RRP12: variants seen among roughly 807,000 people sequenced by gnomAD.
The protein encoded by RRP12 is ribosomal RNA processing 12 homolog, also known as RRP12-like protein.
RRP12 carries 78 observed loss-of-function variants against 157.3 expected under a neutral mutation model. The ratio of observed to expected loss-of-function variants is 0.50; its 90% confidence interval spans 0.41 to 0.60. RRP12 has a LOEUF of 0.60. RRP12 is among the 20% of genes least tolerant of loss of function. The pLI, the probability that RRP12 is intolerant of heterozygous loss-of-function variation, is 0.00. For synonymous variants in RRP12, 726 were observed against 670.9 expected (o/e 1.08, Z -1.27); for missense variants, 1,521 against 1,679.9 (o/e 0.91, Z 1.65).
chr10:97,381,890 T>A, intron 10 of RRP12, 64 bp from the exon 11 acceptor site: 1 of 1,221,826 alleles, frequency 8.2e-7, no homozygotes. Context: ...CAACCAGGGC[T>A]CAGGGCTGAG....
intron 29 of RRP12, 108 bp from the exon 30 acceptor site, chr10:97,364,011 C>A: frequency 2.1e-6 from 2 of 954,240 alleles, no homozygotes; most frequent in South Asian, 1.3e-5. Context: ...CCAACTCCGG[C>A]CCCAGAAAAT....
chr10:97,400,301 C>G lies in RRP12; in HGVS notation c.369+4G>C. ...CCTATGGCCCTCCCGACCCTCGCCC[C>G]TACCTCCTTGTGGGCAGCCGAGTTG... is the stretch of plus-strand genomic sequence containing the variant. On this transcript the variant is annotated splice_donor_region_variant and intron_variant, in intron 2 of 33. Transcript: ENST00000370992. The G allele has an allele frequency of 6.2e-7, 1 of 1,612,820 alleles. No individual in the cohort carries two copies. The highest frequency in any genetic ancestry group is 8.5e-7 in the Non-Finnish European group (1 of 1,178,832).
At chr10:97,395,823 C>T (rs1844946098) in intron 3 of RRP12, among the ~76,000 whole-genome samples, 1 of 150,254 alleles carries the variant, frequency 6.7e-6, no homozygotes, top group South Asian at 2.1e-4. Context: ...TGCACTCCAG[C>T]CTGGGCGACA....
rs1844134287 is a variant in RRP12 at position 97,370,982 on chromosome 10, C to T, written c.2443G>A (p.Glu815Lys). ...PGALFVQSHL[E>K]DLKKTLLDSL... Reference sequence around the variant, plus strand: ...TCCAGCAGTGTCTTCTTCAGGTCCTCCAGGTGGCTCTGCACGAAGAGGGCC... The same window carrying T: ...TCCAGCAGTGTCTTCTTCAGGTCCTTCAGGTGGCTCTGCACGAAGAGGGCC... Residue 815 changes from glutamate to lysine, a missense_variant, in exon 21 of 34, where the codon GAG becomes AAG. Glu to Lys is a moderately conservative substitution (Grantham distance 56). Transcript: ENST00000370992. 2 of 1,613,890 alleles carry T rather than the reference C, an allele frequency of 1.2e-6. No homozygotes were observed. The highest frequency in any genetic ancestry group is 1.7e-6 in the Non-Finnish European group (2 of 1,179,988).
At chr10:97,369,640 C>A (rs1330369760) in intron 24 of RRP12, 58 bp from the exon 25 acceptor site, 14 of 1,510,498 alleles carry the variant, frequency 9.3e-6, no homozygotes, top group Non-Finnish European at 9.0e-7. Context: ...AGACCCAAAC[C>A]TTCCCCACTG....
chr10:97,393,235 A>G, intron 4 of RRP12: 2 of 453,226 alleles, frequency 4.4e-6, no homozygotes, highest in Non-Finnish European at 8.8e-6. Context: ...CACTTTCACA[A>G]TGATTTTCTG....
Position 97,400,515 on chromosome 10 carries a change from G to C in RRP12, c.159C>G (p.Val53=). 6.2e-7 allele frequency: 1 copy of C among 1,613,692 alleles called. No homozygotes were observed. Among genetic ancestry groups the C allele is most frequent in the Non-Finnish European group, 8.5e-7 (1 of 1,179,934 alleles). Residue 53 remains valine, a synonymous_variant, in exon 2 of 34, where the codon GTC becomes GTG. Transcript: ENST00000370992. ...GCTCATTATGTAACTTCACAGCATC[G>C]ACTGTCAGGTCACTCCTTCCTGAGA... ...SRPSGRSDLT[V]DAVKLHNELQ... is the part of the protein sequence containing the mutation.
intron 15 of RRP12, among the ~76,000 whole-genome samples, chr10:97,378,977 TGAGGAAGAAG>T (rs1175102101): frequency 6.6e-6 from 1 of 152,214 alleles, no homozygotes; most frequent in East Asian, 1.9e-4. Context: ...AGGGCTTGCA[TGAGGAAGAAG>T]GGGCACAGCT....
In RRP12 at chr10:97,380,928, G is replaced by A. The variant is rs1202983869; in HGVS notation, c.1419-15C>T. The A allele has an allele frequency of 6.3e-7, 1 of 1,599,440 alleles. No individual in the cohort carries two copies. The highest frequency in any genetic ancestry group is 1.7e-5 in the Admixed American group (1 of 59,978). ...CCTCCACTGCCCTGCCAAGGGGGCG[G>A]CACAGTCAGGGCCACGGTCACACCA... On this transcript the variant is annotated splice_polypyrimidine_tract_variant and intron_variant, in intron 12 of 33. Coordinates refer to ENST00000370992, the MANE Select transcript of RRP12 (RefSeq NM_015179.4).
At chr10:97,360,502 G>T in intron 31 of RRP12, 44 bp downstream of exon 31, 1 of 1,480,416 alleles carries the variant, frequency 6.8e-7, no homozygotes, top group Non-Finnish European at 9.4e-7. Flanking sequence ...TAATGCAGGT[G>T]ACAGGGATCC....
intron 3 of RRP12, among the ~76,000 whole-genome samples, chr10:97,395,050 C>T (rs1366850213): frequency 2.0e-5 from 3 of 151,608 alleles, no homozygotes; most frequent in Non-Finnish European, 4.4e-5. Context: ...GGCTAAGGCA[C>T]GATCATCACT....
intron 8 of RRP12, among the ~76,000 whole-genome samples, chr10:97,387,471 T>C (rs1403926006): frequency 2.0e-5 from 3 of 151,774 alleles, no homozygotes; most frequent in African/African-American, 7.3e-5. Context: ...GCATCTGGGA[T>C]TATAGGCGCG....
chr10:97,388,091 G>A, intron 8 of RRP12, 161 bp downstream of exon 8: 2 of 846,476 alleles, frequency 2.4e-6, no homozygotes, highest in Non-Finnish European at 3.6e-6. Flanking sequence ...GATATGGCCT[G>A]GCCTAGCCAA....
At chr10:97,384,664 C>T (rs949925762) in intron 10 of RRP12, among the ~76,000 whole-genome samples, 2 of 149,744 alleles carry the variant, frequency 1.3e-5, no homozygotes, top group African/African-American at 4.9e-5. Context: ...GCTCTGAGAA[C>T]TCCATAACCT....
At chr10:97,394,219 T>A (rs986495259) in intron 3 of RRP12, among the ~76,000 whole-genome samples, 26 of 152,176 alleles carry the variant, frequency 1.7e-4, no homozygotes, top group Admixed American at 1.6e-3. Flanking sequence ...GGCGGGCGCC[T>A]GTAGTCCCAG....
At chr10:97,370,323 G>GC in intron 23 of RRP12, 49 bp from the exon 24 acceptor site, 2 of 1,435,430 alleles carry the variant, frequency 1.4e-6, no homozygotes, top group Non-Finnish European at 1.9e-6. Context: ...CCACCAGGTA[G>GC]GGGGGCTGAG....
intron 33 of RRP12, 67 bp downstream of exon 33, chr10:97,358,470 T>C (rs751670679): frequency 2.0e-5 from 24 of 1,218,984 alleles, no homozygotes; most frequent in Non-Finnish European, 2.5e-5. Flanking sequence ...TTCCCTTCTT[T>C]AGAGCACTCT....
intron 2 of RRP12, among the ~76,000 whole-genome samples, chr10:97,398,039 A>ATATATT (rs1436494245): frequency 7.9e-4 from 44 of 56,016 alleles, no homozygotes; most frequent in Non-Finnish European, 9.5e-4. Flanking sequence ...ATATATACGT[A>ATATATT]TTTTTTTTTT....
intron 4 of RRP12, chr10:97,393,174 CA>C (rs2133093475): frequency 1.0e-5 from 4 of 399,294 alleles, no homozygotes; most frequent in East Asian, 7.0e-5. Context: ...CGCACCAGGC[CA>C]AAAAAGTTTC....
Sources: allele counts gnomAD v4.1 joint callset (sites outside exome capture counted in the v4.1 genomes callset), GRCh38; gene constraint gnomAD v4.1.1; transcripts MANE v1.5; gene names NCBI Gene and HGNC (gene_info 2026-07-23, HGNC 2026-07-21).